The following DIP2B variants were observed in gnomAD, a reference collection of about 807,000 sequenced individuals.
DIP2B encodes the protein DIP2 acetate--CoA ligase B (putative).
DIP2B carries 76 observed loss-of-function variants against 198.0 expected under a neutral mutation model. The observed-to-expected ratio is 0.38, with a 90% CI of 0.32 to 0.46. DIP2B has a LOEUF of 0.46. Ranked by LOEUF, DIP2B falls within the 20% of genes least tolerant of loss-of-function variation. The pLI is 0.99. For synonymous variants in DIP2B, 701 were observed against 739.1 expected (o/e 0.95, Z 0.84); for missense variants, 1,559 against 1,978.4 (o/e 0.79, Z 4.02).
At chr12:50,730,473 G>A (rs964586107) in intron 30 of DIP2B, among the ~76,000 whole-genome samples, 4 of 150,078 alleles carry the variant, frequency 2.7e-5, no homozygotes, top group Admixed American at 6.6e-5. Context: ...GCAGCCTCTC[G>A]GGCTCAAGTG....
intron 1 of DIP2B, among the ~76,000 whole-genome samples, chr12:50,560,984 T>C (rs957999853): frequency 6.6e-6 from 1 of 152,216 alleles, no homozygotes; most frequent in African/African-American, 2.4e-5. Context: ...TTAATATTTC[T>C]TAAATTTATT....
chr12:50,706,842 A>G (rs1482057362), intron 21 of DIP2B, among the ~76,000 whole-genome samples, 177 bp downstream of exon 21: 1 of 151,604 alleles, frequency 6.6e-6, no homozygotes, highest in East Asian at 1.9e-4. Flanking sequence ...CTGGCTTTTA[A>G]TATATATTTT....
At chr12:50,605,204 A>G (rs1211533813) in intron 1 of DIP2B, among the ~76,000 whole-genome samples, 1 of 152,160 alleles carries the variant, frequency 6.6e-6, no homozygotes, top group African/African-American at 2.4e-5. Flanking sequence ...TACCAATTTA[A>G]TATATAATGG....
rs79895152 is a variant in DIP2B at position 50,524,529 on chromosome 12, C to T, written c.100+19289C>T. On this transcript the variant is annotated intron_variant, in intron 1 of 37. Transcript: ENST00000301180. ...CTTCTCTCCTTCCCTATTCTTCCCT[C>T]TCCTCTCCACCTGTCTCCCTGCCTC... 5.2e-3 allele frequency among the ~76,000 whole-genome samples: 797 copies of T among 152,126 alleles called. 1 individual carries two copies. The highest frequency in any genetic ancestry group is 0.019 in the African/African-American group (769 of 41,506).
intron 3 of DIP2B, among the ~76,000 whole-genome samples, chr12:50,646,573 C>T (rs1159818168): frequency 3.3e-5 from 5 of 152,040 alleles, no homozygotes; most frequent in Admixed American, 1.3e-4. Flanking sequence ...AGGCACATAC[C>T]ACCGTGCCCA....
chr12:50,708,351 C>T, intron 21 of DIP2B, 97 bp from the exon 22 acceptor site: 1 of 1,018,948 alleles, frequency 9.8e-7, no homozygotes, highest in South Asian at 1.5e-5. Context: ...TTTTGGGTAG[C>T]ATGGTGGGGT....
chr12:50,519,808 G>GTT (rs5798142), intron 1 of DIP2B, among the ~76,000 whole-genome samples: 111 of 148,488 alleles, frequency 7.5e-4, no homozygotes, highest in African/African-American at 1.7e-3. Flanking sequence ...TTTCTTGGAG[G>GTT]TTTTTTTTTT....
At chr12:50,513,221 G>A (rs1310108703) in intron 1 of DIP2B, among the ~76,000 whole-genome samples, 1 of 152,150 alleles carries the variant, frequency 6.6e-6, no homozygotes, top group Non-Finnish European at 1.5e-5. Context: ...GTGATGAATG[G>A]AATCAATTTG....
intron 4 of DIP2B, among the ~76,000 whole-genome samples, chr12:50,670,450 C>T (rs577716278): frequency 1.2e-4 from 18 of 152,114 alleles, no homozygotes; most frequent in Admixed American, 1.2e-3. Flanking sequence ...GAGTCTCGCT[C>T]TGTTGCCCAG....
chr12:50,705,574 G>C (rs550046876), intron 20 of DIP2B, among the ~76,000 whole-genome samples: 1 of 152,366 alleles, frequency 6.6e-6, no homozygotes, highest in South Asian at 2.1e-4. Flanking sequence ...AGGGAGACTG[G>C]AATGCAATCT....
At chr12:50,597,773 A>G (rs535780210) in intron 1 of DIP2B, among the ~76,000 whole-genome samples, 15 of 152,314 alleles carry the variant, frequency 9.8e-5, no homozygotes, top group African/African-American at 3.6e-4. Flanking sequence ...ATAGTATTTT[A>G]GAGCTGCTTT....
chr12:50,631,098 CTCTT>C (rs1350200326), intron 2 of DIP2B, among the ~76,000 whole-genome samples: 1 of 152,078 alleles, frequency 6.6e-6, no homozygotes, highest in African/African-American at 2.4e-5. Flanking sequence ...TTCTGCCTCA[CTCTT>C]TCTCCGGTCA....
In DIP2B at chr12:50,747,004, A is replaced by T. The variant is rs1445983381; in HGVS notation, c.*2165A>T. The T allele has an allele frequency of 6.6e-6, 1 of 152,208 alleles. No homozygotes were observed. Among genetic ancestry groups the T allele is most frequent in the Non-Finnish European group, 1.5e-5 (1 of 68,022 alleles). 9.4% of individuals were successfully genotyped at this position (152,208 alleles called of 1,614,324 possible). On this transcript the variant is annotated 3_prime_UTR_variant, in exon 38 of 38. Coordinates refer to ENST00000301180, the MANE Select transcript of DIP2B (RefSeq NM_173602.3). ...ATGTTTCTAGTAACCACATTTTTTT[A>T]AAAGTAAAAAGAAACCCATGGTATT...
chr12:50,728,482 C>T (rs1939976880), intron 29 of DIP2B, 66 bp from the exon 30 acceptor site: 2 of 1,550,600 alleles, frequency 1.3e-6, no homozygotes, highest in South Asian at 2.5e-5. Flanking sequence ...TCAAAGCTGT[C>T]GTCAGAGCTG....
chr12:50,695,994 G>T, intron 16 of DIP2B, 27 bp downstream of exon 16: 1 of 1,613,432 alleles, frequency 6.2e-7, no homozygotes, highest in Non-Finnish European at 8.5e-7. Context: ...TGTGGATCTG[G>T]GAATATCCTG....
intron 9 of DIP2B, among the ~76,000 whole-genome samples, chr12:50,681,480 C>T (rs1232177427): frequency 1.3e-5 from 2 of 151,896 alleles, no homozygotes; most frequent in Non-Finnish European, 2.9e-5. Flanking sequence ...AAACATTTTT[C>T]TGTGGTCTTA....
At chr12:50,636,980 C>T (rs549414554) in intron 2 of DIP2B, among the ~76,000 whole-genome samples, 2 of 152,272 alleles carry the variant, frequency 1.3e-5, no homozygotes, top group Non-Finnish European at 2.9e-5. Flanking sequence ...CTTCTCTAGG[C>T]GGTGAGGTTA....
At chr12:50,654,610 C>T (rs1938522834) in intron 3 of DIP2B, among the ~76,000 whole-genome samples, 1 of 152,046 alleles carries the variant, frequency 6.6e-6, no homozygotes, top group Non-Finnish European at 1.5e-5. Flanking sequence ...TTTTGGCCTC[C>T]CCAAATGCTT....
Position 50,505,019 on chromosome 12 carries a change from C to A in DIP2B, c.-122C>A. 2.0e-6 allele frequency: 2 copies of A among 1,004,888 alleles called. No individual in the cohort carries two copies. Among genetic ancestry groups the A allele is most frequent in the Admixed American group, 2.4e-5 (1 of 40,912 alleles). The allele number at this position is 1,004,888 out of a possible 1,614,324, so 62.2% of individuals were successfully genotyped here. A position where few individuals can be genotyped will look rare whatever the true frequency, so the allele number is the denominator to read the frequency against. Reference sequence around the variant, plus strand: ...TTGCTCATGGCGGCGGCGGCGGCGGCGGCGGTGCTGGTGGTGCTCGGCGGC... The same window carrying A: ...TTGCTCATGGCGGCGGCGGCGGCGGAGGCGGTGCTGGTGGTGCTCGGCGGC... On this transcript the variant is annotated 5_prime_UTR_variant, in exon 1 of 38. Transcript: ENST00000301180.
Sources: gnomAD v4.1 joint callset for allele counts (sites outside exome capture counted in the v4.1 genomes callset) on GRCh38, gnomAD v4.1.1 for gene constraint, MANE v1.5 for transcripts, NCBI Gene and HGNC (gene_info 2026-07-23, HGNC 2026-07-21) for gene names.